Variants in COL4A1 observed in about 807,000 individuals in gnomAD.
The protein encoded by COL4A1 is collagen alpha-1(IV) chain.
Under a neutral mutation model 216.6 loss-of-function variants are expected in COL4A1, and 40 were observed. The ratio of observed to expected loss-of-function variants is 0.18; its 90% CI spans 0.14 to 0.24. The LOEUF is 0.24. Ranked by LOEUF, COL4A1 falls within the 10% of genes least tolerant of loss-of-function variation. The pLI is 1.00. For missense variants in COL4A1, 1,628 were observed against 2,196.8 expected (o/e 0.74, Z 5.18); for synonymous variants, 839 against 810.7 (o/e 1.03, Z -0.59).
At chr13:110,300,545 A>C (rs1884452452) in intron 1 of COL4A1, among the ~76,000 whole-genome samples, 1 of 152,146 alleles carries the variant, frequency 6.6e-6, no homozygotes. Flanking sequence ...CTTCTGCTGA[A>C]TTGAGCAATG....
chr13:110,197,268 T>C (rs1594571075), intron 21 of COL4A1, among the ~76,000 whole-genome samples: 1 of 140,258 alleles, frequency 7.1e-6, no homozygotes, highest in Admixed American at 7.7e-5. Flanking sequence ...CCTGGACTTA[T>C]CATCTCCTGC....
intron 47 of COL4A1, 74 bp from the exon 48 acceptor site, chr13:110,162,516 C>A: frequency 2.7e-6 from 3 of 1,120,338 alleles, no homozygotes; most frequent in Non-Finnish European, 4.1e-6. Flanking sequence ...ATCATTTTCT[C>A]CAAAGAGTTT....
At position 110,210,162 on chromosome 13, in the gene COL4A1, A is replaced by C; in HGVS notation, c.519T>G (p.Gly173=). 1 of 1,614,050 alleles carries C rather than the reference A, an allele frequency of 6.2e-7. No individual in the cohort carries two copies. The highest frequency in any genetic ancestry group is 2.2e-5 in the East Asian group (1 of 44,876). The change falls in exon 9 of 52, where the codon GGT becomes GGG. Residue 173 remains glycine (G), a synonymous_variant. Coordinates refer to ENST00000375820, the MANE Select transcript of COL4A1 (RefSeq NM_001845.6). ...LGHVPGMLLK[G]ERGFPGIPGT... is the part of the protein sequence containing the mutation. ...CTGGGATTCCGGGAAATCCTCTTTC[A>C]CCTTTCAACAGCATCCCGGGCACAT...
rs1456821193 is a variant in COL4A1 at position 110,306,972 on chromosome 13, T to A, written c.56A>T (p.His19Leu). 11 of 1,475,728 alleles carry A rather than the reference T, an allele frequency of 7.5e-6. No individual in the cohort carries two copies. The Admixed American group carries it at 2.1e-4, about 28-fold the overall frequency. The allele number at this position is 1,475,728 out of a possible 1,614,324, so 91.4% of individuals were successfully genotyped here. A position where few individuals can be genotyped will look rare whatever the true frequency, so the allele number is the denominator to read the frequency against. Reference sequence around the variant, plus strand: ...CGCAGCGGCCCGGCTGTGCTCCTCGTGGAGCAGAAGGGCGGCGGGCAGCAG... The same window carrying A: ...CGCAGCGGCCCGGCTGTGCTCCTCGAGGAGCAGAAGGGCGGCGGGCAGCAG... ...LLLLPAALLL[H>L]EEHSRAAAKG... is the part of the protein sequence containing the mutation. The change falls in exon 1 of 52, where the codon CAC becomes CTC. Residue 19 changes from histidine to leucine, a missense_variant. By Grantham distance (99) the His-to-Leu change is moderately conservative. Transcript: ENST00000375820.
rs1011527945 is a variant in COL4A1, at chr13:110,163,981, T to C, written c.4151-420A>G. Among the ~76,000 whole-genome samples the C allele has an allele frequency of 6.8e-5, 7 of 102,908 alleles. No homozygotes were observed. The Admixed American group carries it at 8.8e-4, about 13-fold the overall frequency. 67.5% of individuals were successfully genotyped at this position (102,908 alleles called of 152,430 possible). A position where few individuals can be genotyped will look rare whatever the true frequency, so the allele number is the denominator to read the frequency against. On this transcript the variant is annotated intron_variant, in intron 46 of 51. Coordinates refer to ENST00000375820, the MANE Select transcript of COL4A1 (RefSeq NM_001845.6). ...CTTGTTCTTCTTCTTTCTTTCTCTC[T>C]CTCTTTTTTTTTTTTTTTTTTTTTT... is the stretch of plus-strand genomic sequence containing the variant.
chr13:110,300,616 G>A (rs774527115), intron 1 of COL4A1, among the ~76,000 whole-genome samples: 33 of 152,316 alleles, frequency 2.2e-4, no homozygotes, highest in Middle Eastern at 3.4e-3. Context: ...CCAATTGTTG[G>A]TGTATTTGGT....
intron 49 of COL4A1, among the ~76,000 whole-genome samples, chr13:110,158,027 A>C (rs585659): frequency 0.015 from 2,251 of 152,174 alleles, 53 homozygotes; most frequent in African/African-American, 0.051. Flanking sequence ...GTTGTGTAAA[A>C]GAAGCTAAAA....
intron 26 of COL4A1, among the ~76,000 whole-genome samples, chr13:110,184,940 G>A (rs553847784): frequency 6.6e-6 from 1 of 152,082 alleles, no homozygotes; most frequent in Non-Finnish European, 1.5e-5. Context: ...AAAGTGCTGG[G>A]ATTACAGGCA....
chr13:110,299,979 C>T (rs1928451), intron 1 of COL4A1, among the ~76,000 whole-genome samples: 1,972 of 152,218 alleles, frequency 0.013, 44 homozygotes, highest in African/African-American at 0.044. Context: ...CCACTGTGCT[C>T]AGAAATCAGG....
At position 110,211,932 on chromosome 13, in the gene COL4A1, C is replaced by T. The variant is rs759535703; in HGVS notation, c.388-10G>A. Reference sequence around the variant, plus strand: ...GCGGCCCTCTCTCCCCCTGGGGAGACAGCAGAGCATCATTCATACGCACTG... The same window carrying T: ...GCGGCCCTCTCTCCCCCTGGGGAGATAGCAGAGCATCATTCATACGCACTG... On this transcript the variant is annotated splice_polypyrimidine_tract_variant and intron_variant, in intron 6 of 51. Coordinates refer to ENST00000375820, the MANE Select transcript of COL4A1 (RefSeq NM_001845.6). The surrounding 1 kb of genome is among the most constrained non-coding windows in gnomAD (Gnocchi z 4.3). The T allele has an allele frequency of 2.5e-6, 4 of 1,613,400 alleles. No individual in the cohort carries two copies. Among genetic ancestry groups the T allele is most frequent in the South Asian group, 2.2e-5 (2 of 91,070 alleles).
At chr13:110,238,956 A>C (rs1020012657) in intron 2 of COL4A1, among the ~76,000 whole-genome samples, 1 of 152,160 alleles carries the variant, frequency 6.6e-6, no homozygotes, top group African/African-American at 2.4e-5. Flanking sequence ...TAATCAGTAC[A>C]AGCAGACAGC....
chr13:110,239,071 C>T (rs1014446635), intron 2 of COL4A1, among the ~76,000 whole-genome samples: 5 of 151,994 alleles, frequency 3.3e-5, no homozygotes, highest in African/African-American at 1.2e-4. Context: ...GCCTTCCAAG[C>T]AAGTGGGAAA....
chr13:110,204,059 G>C (rs1397757350), intron 17 of COL4A1, among the ~76,000 whole-genome samples: 1 of 152,152 alleles, frequency 6.6e-6, no homozygotes, highest in Non-Finnish European at 1.5e-5. Context: ...TCTCAAATTT[G>C]CATTGGAGGT....
chr13:110,192,156 G>A, intron 24 of COL4A1, 58 bp downstream of exon 24: 1 of 1,550,014 alleles, frequency 6.5e-7, no homozygotes, highest in Non-Finnish European at 8.9e-7. Context: ...ACACAACTCT[G>A]TCCACGTGCT....
chr13:110,258,085 G>A (rs1462639020), intron 1 of COL4A1, among the ~76,000 whole-genome samples: 2 of 152,312 alleles, frequency 1.3e-5, no homozygotes, highest in East Asian at 3.9e-4. Context: ...ACAAGGCTAT[G>A]AGATTTGTAG....
intron 1 of COL4A1, among the ~76,000 whole-genome samples, chr13:110,303,569 C>T (rs535351957): frequency 1.3e-5 from 2 of 152,332 alleles, no homozygotes; most frequent in South Asian, 2.1e-4. Flanking sequence ...GTGTATAGTA[C>T]ACCATCACAG....
At chr13:110,158,248 A>G (rs1229002606) in intron 49 of COL4A1, among the ~76,000 whole-genome samples, 1 of 152,248 alleles carries the variant, frequency 6.6e-6, no homozygotes, top group African/African-American at 2.4e-5. Flanking sequence ...AAAAAAATCA[A>G]AGAAAACTGT....
At chr13:110,169,805 C>T (rs1322559034) in intron 42 of COL4A1, 43 bp from the exon 43 acceptor site, 3 of 1,612,842 alleles carry the variant, frequency 1.9e-6, no homozygotes, top group Admixed American at 3.3e-5. Flanking sequence ...GTTAAATATG[C>T]ACAAGTGTCC....
intron 1 of COL4A1, among the ~76,000 whole-genome samples, chr13:110,263,800 G>A (rs967258031): frequency 2.0e-5 from 3 of 152,058 alleles, no homozygotes; most frequent in African/African-American, 7.3e-5. Context: ...ACTTATTAGG[G>A]CTCTCAAATA....
Sources: allele counts gnomAD v4.1 joint callset (sites outside exome capture counted in the v4.1 genomes callset), GRCh38; gene constraint gnomAD v4.1.1; non-coding constraint Gnocchi (gnomAD v3.1); transcripts MANE v1.5; gene names NCBI Gene and HGNC (gene_info 2026-07-23, HGNC 2026-07-21).